The following AK8 variants were observed in gnomAD, a reference collection of about 807,000 sequenced individuals.
The protein encoded by AK8 is adenylate kinase 8.
In AK8, 44 loss-of-function variants were observed where a neutral mutation model predicts 54.6. The observed-to-expected ratio is 0.81, with a 90% CI of 0.63 to 1.04. AK8 has a LOEUF of 1.04. AK8 is among the 50% of genes least tolerant of loss of function. AK8 has a pLI of 0.00. For synonymous variants in AK8, 239 were observed against 245.6 expected, an observed-to-expected ratio of 0.97 and a Z score of 0.25; for missense variants, 555 against 613.6, an observed-to-expected ratio of 0.90 and a Z score of 1.01.
Position 132,878,248 on chromosome 9 carries a change from G to A in AK8, c.8C>T (p.Ala3Val). 1 of 1,393,650 alleles carries A rather than the reference G, an allele frequency of 7.2e-7. No homozygotes were observed. The highest frequency in any genetic ancestry group is 9.4e-7 in the Non-Finnish European group (1 of 1,065,992). 86.3% of individuals were successfully genotyped at this position (1,393,650 alleles called of 1,614,324 possible). The change falls in exon 1 of 13, where the codon GCC becomes GTC. Residue 3 changes from alanine (A) to valine (V), a missense_variant. By Grantham distance (64) the Ala-to-Val change is moderately conservative (BLOSUM62 0). Transcript: ENST00000298545. This position sits in a 1 kb window ranked among gnomAD's most constrained non-coding sequence, Gnocchi z 4.7. Reference sequence around the variant, plus strand: ...GGGGATACGGTGCGGGGCGATAGTGGCGTCCATGTAGCCGTCTCGGCTCGC... The same window carrying A: ...GGGGATACGGTGCGGGGCGATAGTGACGTCCATGTAGCCGTCTCGGCTCGC... MD[A>V]TIAPHRIPPE...
At chr9:132,808,678 G>C (rs1456563887) in intron 10 of AK8, among the ~76,000 whole-genome samples, 2 of 152,220 alleles carry the variant, frequency 1.3e-5, no homozygotes, top group East Asian at 3.9e-4. Flanking sequence ...CTATTTGGCT[G>C]AGCCAGTGAT....
intron 2 of AK8, among the ~76,000 whole-genome samples, chr9:132,869,068 T>C (rs1843705981): frequency 6.6e-6 from 1 of 152,120 alleles, no homozygotes; most frequent in Admixed American, 6.5e-5. Context: ...TAATCCCAGC[T>C]ACTCGGGAGG....
intron 5 of AK8, among the ~76,000 whole-genome samples, chr9:132,835,318 T>C (rs1842280840): frequency 6.6e-6 from 1 of 152,208 alleles, no homozygotes; most frequent in South Asian, 2.1e-4. Flanking sequence ...CTACCCTAGC[T>C]CTGAGGTTGG....
intron 5 of AK8, among the ~76,000 whole-genome samples, chr9:132,839,937 C>A (rs1410237628): frequency 1.3e-5 from 2 of 151,840 alleles, no homozygotes; most frequent in East Asian, 3.9e-4. Flanking sequence ...CTTGCCTCAG[C>A]CTCCTGAGTA....
In AK8 at chr9:132,725,721, C is replaced by G. The variant is rs1238697075; in HGVS notation, c.1407G>C (p.Gly469=). ...PYTVFEYIES[G]IINPLPKKIP Reference sequence around the variant, plus strand: ...TTTTCTTGGGCAGGGGATTAATGATCCCACTCTCGATGTATTCGAAGACTG... The same window carrying G: ...TTTTCTTGGGCAGGGGATTAATGATGCCACTCTCGATGTATTCGAAGACTG... The change falls in exon 13 of 13, where the codon GGG becomes GGC. Residue 469 remains glycine (G), a synonymous_variant. Coordinates refer to ENST00000298545, the MANE Select transcript of AK8 (RefSeq NM_152572.3). 1 of 1,582,588 alleles carries G rather than the reference C, an allele frequency of 6.3e-7. No individual in the cohort carries two copies. The highest frequency in any genetic ancestry group is 1.7e-4 in the Middle Eastern group (1 of 5,996).
chr9:132,827,822 T>G, intron 7 of AK8, 191 bp downstream of exon 7: 1 of 586,116 alleles, frequency 1.7e-6, no homozygotes, highest in Non-Finnish European at 3.0e-6. Flanking sequence ...TAAACAGGCC[T>G]CCATTTCCTC....
At chr9:132,857,222 A>G (rs1843205058) in intron 4 of AK8, among the ~76,000 whole-genome samples, 1 of 152,140 alleles carries the variant, frequency 6.6e-6, no homozygotes, top group Non-Finnish European at 1.5e-5. Flanking sequence ...GGAAACACAA[A>G]CTGCTGGGCC....
intron 4 of AK8, among the ~76,000 whole-genome samples, 175 bp downstream of exon 4, chr9:132,863,490 A>T (rs1843471718): frequency 3.3e-5 from 5 of 152,222 alleles, no homozygotes; most frequent in Admixed American, 3.3e-4. Context: ...GAGCCCAGTA[A>T]AGAATTATCT....
At chr9:132,779,694 TA>T (rs35738412) in intron 11 of AK8, among the ~76,000 whole-genome samples, 82,897 of 152,130 alleles carry the variant, frequency 0.54, 25,379 homozygotes, top group East Asian at 0.81. Flanking sequence ...GCTGTGAGGT[TA>T]AAAGAGTAGA....
chr9:132,730,379 G>C (rs1836779236), intron 11 of AK8, among the ~76,000 whole-genome samples: 1 of 151,074 alleles, frequency 6.6e-6, no homozygotes, highest in African/African-American at 2.4e-5. Context: ...ATGAAGAAAT[G>C]AACCAACCCA....
At chr9:132,852,380 C>T (rs545921149) in intron 5 of AK8, among the ~76,000 whole-genome samples, 4 of 152,150 alleles carry the variant, frequency 2.6e-5, no homozygotes, top group African/African-American at 7.2e-5. Flanking sequence ...AAGGTCGAGG[C>T]GGGTGGATCA....
chr9:132,807,255 T>C (rs745844482), intron 10 of AK8, among the ~76,000 whole-genome samples: 2 of 152,090 alleles, frequency 1.3e-5, no homozygotes, highest in Admixed American at 1.3e-4. Context: ...GACGAGCCAG[T>C]TGGGCAGGTG....
At chr9:132,859,634 C>A (rs1162722410) in intron 4 of AK8, among the ~76,000 whole-genome samples, 2 of 150,448 alleles carry the variant, frequency 1.3e-5, no homozygotes, top group Non-Finnish European at 3.0e-5. Context: ...CCTACCCTGT[C>A]CCCCTCCTTC....
At chr9:132,809,428 C>G (rs528827315) in intron 10 of AK8, among the ~76,000 whole-genome samples, 1 of 152,158 alleles carries the variant, frequency 6.6e-6, no homozygotes, top group Non-Finnish European at 1.5e-5. Flanking sequence ...AGTCACTCCA[C>G]GACAGGCCAA....
intron 5 of AK8, among the ~76,000 whole-genome samples, chr9:132,851,368 T>C (rs214630): frequency 0.36 from 54,159 of 152,106 alleles, 11,785 homozygotes; most frequent in South Asian, 0.57. Flanking sequence ...CTCCCACCAC[T>C]TGACCCTGGT....
chr9:132,807,715 CTTT>C (rs1564412262), intron 10 of AK8, among the ~76,000 whole-genome samples: 1 of 152,216 alleles, frequency 6.6e-6, no homozygotes, highest in Non-Finnish European at 1.5e-5. Context: ...CTTCAGACTT[CTTT>C]ATGTTGGGTG....
chr9:132,834,284 G>T (rs1000789488), intron 5 of AK8, among the ~76,000 whole-genome samples: 1 of 152,150 alleles, frequency 6.6e-6, no homozygotes, highest in Admixed American at 6.5e-5. Flanking sequence ...AAAGCCAATC[G>T]GTGAGAACAA....
At position 132,794,918 on chromosome 9, in the gene AK8, C is replaced by G. The variant is rs1049659665; in HGVS notation, c.980-2143G>C. Reference sequence around the variant, plus strand: ...GAAAGGATAAGAGGACCTGTTGTGACCGGCTCACACCGCATTTACGATTCT... The same window carrying G: ...GAAAGGATAAGAGGACCTGTTGTGAGCGGCTCACACCGCATTTACGATTCT... On this transcript the variant is annotated intron_variant, in intron 10 of 12. Coordinates refer to ENST00000298545, the MANE Select transcript of AK8 (RefSeq NM_152572.3). 2.0e-5 allele frequency among the ~76,000 whole-genome samples: 3 copies of G among 152,130 alleles called. No individual in the cohort carries two copies. The East Asian group carries it at 5.8e-4, about 29-fold the overall frequency.
chr9:132,832,873 A>T (rs1842162685), intron 5 of AK8, among the ~76,000 whole-genome samples: 1 of 152,168 alleles, frequency 6.6e-6, no homozygotes, highest in African/African-American at 2.4e-5. Flanking sequence ...GTGAAAATCT[A>T]AAAGGAAGAA....
Sources: gnomAD v4.1 joint callset for allele counts (sites outside exome capture counted in the v4.1 genomes callset) on GRCh38, gnomAD v4.1.1 for gene constraint, Gnocchi (gnomAD v3.1) non-coding constraint, MANE v1.5 for transcripts, NCBI Gene and HGNC (gene_info 2026-07-23, HGNC 2026-07-21) for gene names.